The following DLG2 variants were observed in gnomAD, a reference collection of about 807,000 sequenced individuals.
DLG2 encodes discs large MAGUK scaffold protein 2.
In DLG2, 45 loss-of-function variants were observed where a neutral mutation model predicts 132.5. That is an observed-to-expected ratio of 0.34 (90% confidence interval 0.27 to 0.44). The LOEUF is 0.44. DLG2 is among the 20% of genes least tolerant of loss of function. The pLI is 1.00. For synonymous variants in DLG2, 424 were observed against 419.6 expected, an observed-to-expected ratio of 1.01 and a Z score of -0.13; for missense variants, 1,045 against 1,196.9, an observed-to-expected ratio of 0.87 and a Z score of 1.87.
intron 7 of DLG2, among the ~76,000 whole-genome samples, chr11:84,262,059 G>A (rs1321481974): frequency 6.6e-6 from 1 of 152,118 alleles, no homozygotes; most frequent in African/African-American, 2.4e-5. Flanking sequence ...GGTACTTTGT[G>A]CTTATTCTTC....
intron 9 of DLG2, among the ~76,000 whole-genome samples, chr11:84,104,020 G>C (rs2092725405): frequency 6.6e-6 from 1 of 151,886 alleles, no homozygotes; most frequent in Non-Finnish European, 1.5e-5. Context: ...AAGGTTTGTT[G>C]CATTATTTTT....
intron 4 of DLG2, among the ~76,000 whole-genome samples, chr11:85,208,581 C>T (rs1353409968): frequency 6.6e-6 from 1 of 152,108 alleles, no homozygotes; most frequent in Non-Finnish European, 1.5e-5. Flanking sequence ...GTGTTCTTTC[C>T]ATTTAAGCCC....
intron 17 of DLG2, among the ~76,000 whole-genome samples, chr11:83,823,590 A>C (rs572261121): frequency 1.2e-4 from 18 of 152,272 alleles, no homozygotes; most frequent in African/African-American, 4.1e-4. Context: ...GAGATGAATA[A>C]AACTGAGAGG....
chr11:85,611,198 A>G (rs1331016833), intron 2 of DLG2, among the ~76,000 whole-genome samples: 1 of 152,208 alleles, frequency 6.6e-6, no homozygotes, highest in Non-Finnish European at 1.5e-5. Context: ...TCACTGTTTA[A>G]GGGTAGTTGT....
intron 6 of DLG2, among the ~76,000 whole-genome samples, chr11:84,837,976 C>T (rs2080051708): frequency 6.6e-6 from 1 of 151,706 alleles, no homozygotes; most frequent in African/African-American, 2.4e-5. Flanking sequence ...TTAACAAATG[C>T]TACAAGGGAT....
chr11:85,301,506 T>G (rs914221574), intron 3 of DLG2, among the ~76,000 whole-genome samples: 1 of 152,092 alleles, frequency 6.6e-6, no homozygotes, highest in African/African-American at 2.4e-5. Flanking sequence ...AATGGACCAA[T>G]GTAAAAAAGA....
intron 6 of DLG2, among the ~76,000 whole-genome samples, chr11:84,618,506 C>A (rs1262203522): frequency 2.6e-5 from 4 of 151,910 alleles, no homozygotes; most frequent in Admixed American, 6.6e-5. Context: ...TCAACTAAAA[C>A]CAGAAAAGTG....
chr11:84,099,739 G>GTA lies in DLG2; in HGVS notation c.625-694_625-693dup, dbSNP rs567639048. Among the ~76,000 whole-genome samples the GTA allele has an allele frequency of 2.0e-3, 295 of 145,252 alleles. 3 individuals carry two copies. Among genetic ancestry groups the GTA allele is most frequent in the Non-Finnish European group, 3.0e-3 (201 of 66,440 alleles). ...ATAGTAACTGATATCCTGTGGGTGT[G>GTA]TATATATATATACATATATACATAT... On this transcript the variant is annotated intron_variant, in intron 9 of 27. Transcript: ENST00000376104.
intron 21 of DLG2, among the ~76,000 whole-genome samples, chr11:83,485,409 T>C (rs1340088154): frequency 6.6e-6 from 1 of 152,174 alleles, no homozygotes; most frequent in Admixed American, 6.5e-5. Flanking sequence ...CATATTCATA[T>C]ATCATTAAAA....
At chr11:85,227,658 G>C (rs1181581735) in intron 4 of DLG2, among the ~76,000 whole-genome samples, 1 of 152,080 alleles carries the variant, frequency 6.6e-6, no homozygotes, top group Non-Finnish European at 1.5e-5. Flanking sequence ...TGATACCACA[G>C]AATATATCAA....
At chr11:84,042,574 A>C (rs2096118941) in intron 11 of DLG2, among the ~76,000 whole-genome samples, 1 of 151,812 alleles carries the variant, frequency 6.6e-6, no homozygotes, top group African/African-American at 2.4e-5. Context: ...GTAGCATTTG[A>C]AAGTTACCTT....
At chr11:83,882,033 A>G (rs778349643) in intron 15 of DLG2, among the ~76,000 whole-genome samples, 1 of 152,164 alleles carries the variant, frequency 6.6e-6, no homozygotes, top group African/African-American at 2.4e-5. Flanking sequence ...TCTTACCTAC[A>G]TTTAAAGAAA....
At chr11:85,392,433 A>G (rs1288470939) in intron 3 of DLG2, among the ~76,000 whole-genome samples, 1 of 152,096 alleles carries the variant, frequency 6.6e-6, no homozygotes, top group Non-Finnish European at 1.5e-5. Context: ...ACTAAAAAAA[A>G]AAAAAAATCT....
intron 9 of DLG2, among the ~76,000 whole-genome samples, chr11:84,149,256 G>A (rs893462887): frequency 1.4e-4 from 22 of 151,926 alleles, no homozygotes; most frequent in Middle Eastern, 3.2e-3. Flanking sequence ...TTTTTGTTGC[G>A]ATTCCTTTTG....
At chr11:83,535,185 C>T (rs561012263) in intron 20 of DLG2, among the ~76,000 whole-genome samples, 1 of 152,144 alleles carries the variant, frequency 6.6e-6, no homozygotes, top group African/African-American at 2.4e-5. Context: ...TCTTTGTATT[C>T]TTCTAAAACT....
intron 6 of DLG2, among the ~76,000 whole-genome samples, chr11:84,849,243 T>A (rs915754256): frequency 5.3e-5 from 8 of 152,156 alleles, no homozygotes; most frequent in African/African-American, 1.9e-4. Flanking sequence ...CACTGAGAGA[T>A]AATAAAATGG....
chr11:85,456,003 G>T (rs1365725772), intron 3 of DLG2, among the ~76,000 whole-genome samples: 1 of 152,112 alleles, frequency 6.6e-6, no homozygotes, highest in African/African-American at 2.4e-5. Flanking sequence ...TTTGGTATCA[G>T]GATGATACCT....
intron 6 of DLG2, among the ~76,000 whole-genome samples, chr11:85,077,162 T>C (rs2066646824): frequency 6.6e-6 from 1 of 151,864 alleles, no homozygotes; most frequent in Non-Finnish European, 1.5e-5. Flanking sequence ...TAAAACCACA[T>C]ATGAAAAATC....
At chr11:84,927,271 T>C (rs1047272881) in intron 6 of DLG2, among the ~76,000 whole-genome samples, 13 of 151,994 alleles carry the variant, frequency 8.6e-5, no homozygotes, top group Non-Finnish European at 1.2e-4. Context: ...AATAAGGAGA[T>C]TGGACTATCT....
Sources: allele counts gnomAD v4.1 joint callset (sites outside exome capture counted in the v4.1 genomes callset), GRCh38; gene constraint gnomAD v4.1.1; transcripts MANE v1.5; gene names NCBI Gene and HGNC (gene_info 2026-07-23, HGNC 2026-07-21).